The following NHSL3 variants were observed in gnomAD, a reference collection of about 807,000 sequenced individuals.
The protein encoded by NHSL3 is NHS like 3, also known as NHS-like protein 3.
chr1:32,770,614 C>G, the NHSL3 span: 2 of 1,515,680 alleles, frequency 1.3e-6, no homozygotes, highest in Admixed American at 2.2e-5. The surrounding 1 kb of genome is among the most constrained non-coding windows in gnomAD (Gnocchi z 8.3). Context: ...ACTCAGCATT[C>G]GGAGCAGTGG....
At chr1:32,743,023 G>C in the NHSL3 span, among the ~76,000 whole-genome samples, 1 of 152,226 alleles carries the variant, frequency 6.6e-6, no homozygotes, top group African/African-American at 2.4e-5. Context: ...CCTGAAAGGC[G>C]GGGAAGCCGA....
the NHSL3 span, among the ~76,000 whole-genome samples, chr1:32,766,261 G>A: frequency 6.6e-6 from 1 of 152,262 alleles, no homozygotes; most frequent in South Asian, 2.1e-4. Context: ...CCTGGGAATG[G>A]AGAAGTTTTG....
the NHSL3 span, among the ~76,000 whole-genome samples, chr1:32,758,488 T>A: frequency 6.6e-6 from 1 of 152,066 alleles, no homozygotes; most frequent in Non-Finnish European, 1.5e-5. Context: ...GGCTCCCTCC[T>A]CCATTCCCCC....
the NHSL3 span, chr1:32,770,056 C>A: frequency 6.4e-7 from 1 of 1,570,320 alleles, no homozygotes; most frequent in Non-Finnish European, 8.6e-7. This position sits in a 1 kb window ranked among gnomAD's most constrained non-coding sequence, Gnocchi z 8.3. Flanking sequence ...GGCCATGCTG[C>A]AGCGCCACAT....
chr1:32,755,498 G>A, the NHSL3 span, among the ~76,000 whole-genome samples: 2 of 152,156 alleles, frequency 1.3e-5, no homozygotes, highest in African/African-American at 4.8e-5. Context: ...TGTGGAATAG[G>A]CCCTGGTGAC....
chr1:32,772,045 C>G, the NHSL3 span: 1 of 1,608,514 alleles, frequency 6.2e-7, no homozygotes, highest in Non-Finnish European at 8.5e-7. Context: ...CAACGGACCG[C>G]CTGAGGCAGA....
the NHSL3 span, chr1:32,772,284 A>ACC: frequency 1.7e-5 from 14 of 818,976 alleles, no homozygotes; most frequent in East Asian, 1.0e-4. Context: ...GAGTCCCCCC[A>ACC]CCCGCCTCCC....
chr1:32,773,505 G>A, the NHSL3 span: 2 of 155,252 alleles, frequency 1.3e-5, no homozygotes, highest in Admixed American at 1.3e-4. Flanking sequence ...GTGGGGCTGT[G>A]GAATTCCAAA....
chr1:32,760,203 C>T, the NHSL3 span, among the ~76,000 whole-genome samples: 3 of 152,166 alleles, frequency 2.0e-5, no homozygotes, highest in Non-Finnish European at 2.9e-5. Context: ...GGGTTGGCTT[C>T]AGAGGGTTCG....
chr1:32,744,035 C>T, the NHSL3 span, among the ~76,000 whole-genome samples: 1 of 152,202 alleles, frequency 6.6e-6, no homozygotes, highest in African/African-American at 2.4e-5. Context: ...TCTGATCCCA[C>T]TAATCTCCAC....
At chr1:32,772,181 C>G in the NHSL3 span, 3 of 1,613,348 alleles carry the variant, frequency 1.9e-6, no homozygotes, top group Non-Finnish European at 1.7e-6. Flanking sequence ...AATCTGGTGG[C>G]AGAACTCCGG....
At chr1:32,751,748 T>A in the NHSL3 span, among the ~76,000 whole-genome samples, 1 of 152,150 alleles carries the variant, frequency 6.6e-6, no homozygotes, top group Non-Finnish European at 1.5e-5. Context: ...GGATGGCAGG[T>A]GTGAACGCCT....
chr1:32,764,568 A>G, the NHSL3 span, among the ~76,000 whole-genome samples: 1 of 151,982 alleles, frequency 6.6e-6, no homozygotes, highest in Non-Finnish European at 1.5e-5. Context: ...CCCAGGTTCA[A>G]GAGATTCTCC....
chr1:32,746,457 G>C, the NHSL3 span, among the ~76,000 whole-genome samples: 6 of 152,142 alleles, frequency 3.9e-5, no homozygotes, highest in South Asian at 2.1e-4. Flanking sequence ...AATGGGAAGA[G>C]AAGTAACAGG....
chr1:32,773,033 A>G, the NHSL3 span: 2 of 743,160 alleles, frequency 2.7e-6, no homozygotes, highest in Non-Finnish European at 4.7e-6. Context: ...TTCGATACTT[A>G]TGCAAGCCTG....
the NHSL3 span, among the ~76,000 whole-genome samples, chr1:32,747,780 T>C: frequency 1.3e-5 from 2 of 151,770 alleles, no homozygotes; most frequent in South Asian, 2.1e-4. Context: ...CTGGCCAACA[T>C]GGTGAAACCC....
At chr1:32,767,934 G>C in the NHSL3 span, 1 of 1,613,870 alleles carries the variant, frequency 6.2e-7, no homozygotes, top group South Asian at 1.1e-5. Flanking sequence ...GCCCAGGAGG[G>C]GCTCCGCTCC....
At chr1:32,771,779 G>T in the NHSL3 span, 1 of 1,613,592 alleles carries the variant, frequency 6.2e-7, no homozygotes, top group Non-Finnish European at 8.5e-7. Context: ...AGCAAGGGTG[G>T]TGGGCCTCCC....
the NHSL3 span, among the ~76,000 whole-genome samples, chr1:32,746,939 G>A: frequency 1.3e-5 from 2 of 152,160 alleles, no homozygotes; most frequent in Non-Finnish European, 2.9e-5. Context: ...GAGTAGGCAT[G>A]GCTCTGATAC....
Sources: allele counts gnomAD v4.1 joint callset (sites outside exome capture counted in the v4.1 genomes callset), GRCh38; gene constraint gnomAD v4.1.1; non-coding constraint Gnocchi (gnomAD v3.1); transcripts MANE v1.5; gene names NCBI Gene and HGNC (gene_info 2026-07-23, HGNC 2026-07-21).